Variants in ZNF438 observed in about 807,000 individuals in gnomAD.
The protein encoded by ZNF438 is zinc finger protein 438.
In ZNF438, 25 loss-of-function variants were observed where a neutral mutation model predicts 38.0. That is an observed-to-expected ratio of 0.66 (90% CI 0.48 to 0.92). ZNF438 has a LOEUF of 0.92. Ranked by LOEUF, ZNF438 falls within the 40% of genes least tolerant of loss-of-function variation. ZNF438 has a pLI of 0.00. For synonymous variants in ZNF438, 372 were observed against 364.1 expected, an observed-to-expected ratio of 1.02 and a Z score of -0.25; for missense variants, 1,007 against 999.6, an observed-to-expected ratio of 1.01 and a Z score of -0.10.
At chr10:30,914,222 A>G (rs192219049) in intron 2 of ZNF438, among the ~76,000 whole-genome samples, 14 of 152,270 alleles carry the variant, frequency 9.2e-5, no homozygotes, top group Admixed American at 7.8e-4. Flanking sequence ...CAAAAAAGTT[A>G]AATCTAAGGA....
intron 1 of ZNF438, among the ~76,000 whole-genome samples, chr10:30,981,361 C>T (rs115823894): frequency 0.012 from 1,828 of 152,244 alleles, 34 homozygotes; most frequent in African/African-American, 0.04. Context: ...AAGTTTACTA[C>T]GTGTTTATGG....
At chr10:31,010,625 G>T (rs919910260) in intron 1 of ZNF438, among the ~76,000 whole-genome samples, 1 of 152,098 alleles carries the variant, frequency 6.6e-6, no homozygotes, top group Non-Finnish European at 1.5e-5. Flanking sequence ...AATGGCTCAT[G>T]CCTGTGTTTC....
Position 30,897,824 on chromosome 10 carries a change from G to A in ZNF438, c.-32+11109C>T, listed in dbSNP as rs544348673. Among the ~76,000 whole-genome samples the A allele has an allele frequency of 2.1e-3, 314 of 152,280 alleles. 2 individuals are homozygous for A. Among genetic ancestry groups the A allele is most frequent in the African/African-American group, 7.2e-3 (298 of 41,558 alleles). ...GCTCTGGGGCACACAGGGCCTTGTG[G>A]GGTTGCTCCTGAAACAGTTACTTGA... is the stretch of plus-strand genomic sequence containing the variant. On this transcript the variant is annotated intron_variant, in intron 3 of 5. Transcript: ENST00000413025.
intron 3 of ZNF438, among the ~76,000 whole-genome samples, 198 bp from the exon 5 acceptor site, chr10:30,877,263 AC>A (rs1278431746): frequency 2.0e-5 from 3 of 152,296 alleles, no homozygotes; most frequent in Admixed American, 6.5e-5. Context: ...TATTGAATGT[AC>A]TAGAATGGGC....
chr10:30,899,305 C>A (rs1051206650), intron 3 of ZNF438, among the ~76,000 whole-genome samples: 2 of 152,014 alleles, frequency 1.3e-5, no homozygotes, highest in African/African-American at 4.8e-5. Flanking sequence ...TATAACTAAC[C>A]AAATAAGAAA....
chr10:30,914,441 C>G (rs2043388289), intron 2 of ZNF438, among the ~76,000 whole-genome samples: 1 of 150,826 alleles, frequency 6.6e-6, no homozygotes, highest in Non-Finnish European at 1.5e-5. Context: ...TTAGATAGAA[C>G]TAAATAAATA....
At chr10:30,895,245 G>C (rs1428425252) in intron 3 of ZNF438, among the ~76,000 whole-genome samples, 2 of 152,158 alleles carry the variant, frequency 1.3e-5, no homozygotes, top group African/African-American at 4.8e-5. Flanking sequence ...TCCTCCAACT[G>C]CATTTTGTAC....
At chr10:30,947,887 C>T (rs560236449) in intron 1 of ZNF438, among the ~76,000 whole-genome samples, 17 of 145,034 alleles carry the variant, frequency 1.2e-4, no homozygotes, top group African/African-American at 3.6e-4. Context: ...CTTCGGCTCG[C>T]GCACCCACTG....
At chr10:30,887,656 G>A (rs1055468440) in intron 3 of ZNF438, among the ~76,000 whole-genome samples, 1 of 152,124 alleles carries the variant, frequency 6.6e-6, no homozygotes, top group Non-Finnish European at 1.5e-5. Flanking sequence ...CCAAAGTGCT[G>A]GGATTACAGG....
At chr10:30,977,982 C>T (rs58148912) in intron 1 of ZNF438, among the ~76,000 whole-genome samples, 82 of 144,620 alleles carry the variant, frequency 5.7e-4, no homozygotes, top group African/African-American at 1.6e-3. Flanking sequence ...ACTCCGTCTC[C>T]GAAAAAAAAA....
chr10:30,857,255 T>G (rs2034803807), intron 4 of ZNF438, among the ~76,000 whole-genome samples: 1 of 128,742 alleles, frequency 7.8e-6, no homozygotes. Context: ...TATTCTAAAA[T>G]TTCTTTTTTT....
chr10:30,957,305 A>AT (rs1205338296), intron 1 of ZNF438, among the ~76,000 whole-genome samples: 1 of 152,094 alleles, frequency 6.6e-6, no homozygotes, highest in Non-Finnish European at 1.5e-5. Context: ...CCCTTGTCAG[A>AT]TGTGTAGTTA....
chr10:30,923,921 A>G (rs9417826), intron 2 of ZNF438, among the ~76,000 whole-genome samples: 138,875 of 152,234 alleles, frequency 0.91, 63,528 homozygotes, highest in African/African-American at 0.98. Flanking sequence ...TATGTGTAAT[A>G]AGAGAGAATT....
intron 1 of ZNF438, among the ~76,000 whole-genome samples, chr10:30,957,143 G>T (rs1388344989): frequency 6.6e-6 from 1 of 152,158 alleles, no homozygotes; most frequent in Non-Finnish European, 1.5e-5. Context: ...CTGATGTAGT[G>T]ATGTTGAACA....
intron 3 of ZNF438, among the ~76,000 whole-genome samples, chr10:30,890,570 C>T (rs2040558103): frequency 6.6e-6 from 1 of 152,200 alleles, no homozygotes; most frequent in Admixed American, 6.5e-5. Context: ...GTCAGGTCCT[C>T]ACTGCTTGTT....
At chr10:30,901,201 T>TAAC (rs2041936984) in intron 3 of ZNF438, among the ~76,000 whole-genome samples, 3 of 152,316 alleles carry the variant, frequency 2.0e-5, no homozygotes, top group Admixed American at 2.0e-4. Flanking sequence ...AGCGGTCAGT[T>TAAC]GGTTCTGTGT....
chr10:30,948,582 C>A (rs1310826806), intron 1 of ZNF438, among the ~76,000 whole-genome samples: 1 of 150,456 alleles, frequency 6.6e-6, no homozygotes, highest in Non-Finnish European at 1.5e-5. Context: ...AAAACCAAGG[C>A]TCGAGAACTA....
At chr10:30,890,083 C>CAAAAAAAAAAAAAAAAAAAAAA (rs71863439) in intron 3 of ZNF438, among the ~76,000 whole-genome samples, 1 of 93,382 alleles carries the variant, frequency 1.1e-5, no homozygotes, top group South Asian at 3.8e-4. Context: ...TTGGCATTTC[C>CAAAAAAAAAAAAAAAAAAAAAA]AAAAAAAAAA....
chr10:30,955,095 TATA>T (rs1460294540), intron 1 of ZNF438, among the ~76,000 whole-genome samples: 1 of 152,192 alleles, frequency 6.6e-6, no homozygotes, highest in Non-Finnish European at 1.5e-5. Flanking sequence ...GCCTCTTCAT[TATA>T]TTGTTGGGTA....
Sources: gnomAD v4.1 joint callset for allele counts (sites outside exome capture counted in the v4.1 genomes callset) on GRCh38, gnomAD v4.1.1 for gene constraint, MANE v1.5 for transcripts, NCBI Gene and HGNC (gene_info 2026-07-23, HGNC 2026-07-21) for gene names.